The following SNX24 variants were observed in gnomAD, a reference collection of about 807,000 sequenced individuals.
SNX24 encodes the protein sorting nexin-24.
Under a neutral mutation model 28.7 loss-of-function variants are expected in SNX24, and 22 were observed. That is an observed-to-expected ratio of 0.77 (90% CI 0.55 to 1.10). The LOEUF is 1.10. SNX24 is among the 50% of genes least tolerant of loss of function. The pLI, the probability that SNX24 is intolerant of heterozygous loss-of-function variation, is 0.00. For missense variants in SNX24, 221 were observed against 201.1 expected, an observed-to-expected ratio of 1.10 and a Z score of -0.60; for synonymous variants, 69 against 71.5, an observed-to-expected ratio of 0.96 and a Z score of 0.18.
intron 1 of SNX24, among the ~76,000 whole-genome samples, chr5:122,888,498 C>G (rs1756813653): frequency 6.6e-6 from 1 of 152,140 alleles, no homozygotes; most frequent in African/African-American, 2.4e-5. Context: ...TTGATGATTT[C>G]AATAAGTTAT....
At chr5:123,011,209 G>GAA (rs145977285), downstream of SNX24, among the ~76,000 whole-genome samples, 2 of 150,016 alleles carry the variant, frequency 1.3e-5, no homozygotes, top group African/African-American at 2.5e-5. Flanking sequence ...GAAGGAAAAG[G>GAA]AAAAAAAAAA....
chr5:122,962,983 C>CA (rs1760549659), intron 3 of SNX24, among the ~76,000 whole-genome samples: 1 of 152,118 alleles, frequency 6.6e-6, no homozygotes. Flanking sequence ...CCTGTAATCC[C>CA]AGCACCTTGG....
chr5:122,893,972 C>T (rs957384719), intron 1 of SNX24, among the ~76,000 whole-genome samples: 54 of 151,552 alleles, frequency 3.6e-4, no homozygotes, highest in Admixed American at 1.1e-3. Context: ...CGCTTGAACC[C>T]GGTTGCTGTG....
intron 1 of SNX24, among the ~76,000 whole-genome samples, chr5:122,911,822 G>C (rs1757903293): frequency 7.8e-6 from 1 of 127,476 alleles, no homozygotes; most frequent in African/African-American, 3.2e-5. Flanking sequence ...CTGTTCCATT[G>C]ATCTATATCT....
intron 1 of SNX24, 108 bp from the exon 2 acceptor site, chr5:122,936,626 C>A: frequency 3.4e-6 from 2 of 595,036 alleles, no homozygotes; most frequent in Non-Finnish European, 5.8e-6. Context: ...TTTGGGGGAT[C>A]AGCTACTGTA....
chr5:122,876,344 T>C (rs781750061), intron 1 of SNX24, among the ~76,000 whole-genome samples: 2 of 152,206 alleles, frequency 1.3e-5, no homozygotes, highest in African/African-American at 2.4e-5. Flanking sequence ...ATGAAAAATA[T>C]TAGTTTTTGA....
At chr5:122,975,875 C>T (rs1275308890) in intron 3 of SNX24, among the ~76,000 whole-genome samples, 1 of 152,120 alleles carries the variant, frequency 6.6e-6, no homozygotes, top group Non-Finnish European at 1.5e-5. Context: ...TCCCATATAC[C>T]TTTAAGGGAA....
chr5:122,980,213 A>G (rs1448871281), intron 3 of SNX24, among the ~76,000 whole-genome samples: 1 of 152,206 alleles, frequency 6.6e-6, no homozygotes, highest in Non-Finnish European at 1.5e-5. Flanking sequence ...AATTTTAAAT[A>G]TAAGTAACAA....
chr5:122,891,151 C>T, intron 1 of SNX24: 1 of 1,438,170 alleles, frequency 7.0e-7, no homozygotes, highest in Non-Finnish European at 9.2e-7. Flanking sequence ...GAAAACTTTA[C>T]CTAGTGTTTT....
intron 3 of SNX24, among the ~76,000 whole-genome samples, chr5:122,947,455 G>T (rs1483797323): frequency 6.6e-6 from 1 of 152,116 alleles, no homozygotes; most frequent in Non-Finnish European, 1.5e-5. Flanking sequence ...GCTCTAATAG[G>T]AAAGCTGACA....
At chr5:122,888,854 A>T (rs918691947) in intron 1 of SNX24, among the ~76,000 whole-genome samples, 16 of 152,098 alleles carry the variant, frequency 1.1e-4, no homozygotes, top group Non-Finnish European at 1.8e-4. Context: ...GTAATGGGAT[A>T]ACTTTGTGTT....
intron 1 of SNX24, among the ~76,000 whole-genome samples, chr5:122,912,625 T>G (rs1250333645): frequency 6.6e-6 from 1 of 152,198 alleles, no homozygotes; most frequent in Non-Finnish European, 1.5e-5. Flanking sequence ...TAGCTCTTAT[T>G]ATTTTGAGAT....
intron 1 of SNX24, among the ~76,000 whole-genome samples, chr5:122,874,792 A>G (rs981419774): frequency 2.0e-5 from 3 of 152,214 alleles, no homozygotes; most frequent in African/African-American, 7.2e-5. Flanking sequence ...CGGGCTAACC[A>G]TGTGTTGAAT....
intron 5 of SNX24, chr5:123,023,898 C>T (rs746576819): frequency 2.1e-5 from 34 of 1,613,710 alleles, no homozygotes; most frequent in East Asian, 1.3e-4. Flanking sequence ...ATCTCAACCA[C>T]AAAAGGCGTT....
intron 5 of SNX24, among the ~76,000 whole-genome samples, chr5:123,022,042 A>AT (rs45619632): frequency 0.018 from 2,714 of 150,804 alleles, 32 homozygotes; most frequent in Non-Finnish European, 0.029. Context: ...ACATGGGCAT[A>AT]TTTTTTTTTC....
rs755251162 is a variant in SNX24 at position 122,891,172 on chromosome 5, G to GTTTTTT, written c.60+45482_60+45487dup. ...TTTACCTAGTGTTTTTTTGTTTTTT[G>GTTTTTT]TTTTTTTTCCTAAGTAGTTTATTTT... is the stretch of plus-strand genomic sequence containing the variant. On this transcript the variant is annotated intron_variant, in intron 1 of 6. Transcript: ENST00000261369. The GTTTTTT allele has an allele frequency of 2.1e-6, 3 of 1,400,500 alleles. No individual in the cohort carries two copies. The African/African-American group carries it at 4.4e-5, about 21-fold the overall frequency. 86.8% of individuals were successfully genotyped at this position (1,400,500 alleles called of 1,614,324 possible).
At chr5:123,005,667 C>T (rs976734186) in intron 6 of SNX24, among the ~76,000 whole-genome samples, 2 of 152,200 alleles carry the variant, frequency 1.3e-5, no homozygotes, top group Non-Finnish European at 2.9e-5. Flanking sequence ...AAAGGCATGT[C>T]TGCCACCGTC....
intron 1 of SNX24, among the ~76,000 whole-genome samples, chr5:122,861,789 A>T (rs562563425): frequency 6.6e-6 from 1 of 151,762 alleles, no homozygotes; most frequent in South Asian, 2.1e-4. Context: ...TATAATTCTC[A>T]TTCTAAGGAA....
chr5:122,903,087 G>A (rs548430604), intron 1 of SNX24, among the ~76,000 whole-genome samples: 11 of 151,994 alleles, frequency 7.2e-5, no homozygotes, highest in African/African-American at 2.7e-4. Context: ...AGAGGTGGTT[G>A]TACTCTCCTT....
Sources: allele counts gnomAD v4.1 joint callset (sites outside exome capture counted in the v4.1 genomes callset), GRCh38; gene constraint gnomAD v4.1.1; transcripts MANE v1.5; gene names NCBI Gene and HGNC (gene_info 2026-07-23, HGNC 2026-07-21).